CAST: variants seen among roughly 807,000 people sequenced by gnomAD.
CAST encodes the protein calpastatin, also known as MIR583 host.
A neutral mutation model predicts 119.6 loss-of-function variants in CAST; 76 were observed. That is an observed-to-expected ratio of 0.64 (90% CI 0.53 to 0.77). The LOEUF (loss-of-function observed/expected upper bound fraction) is 0.77. CAST is among the 30% of genes least tolerant of loss of function. The pLI is 0.00. For synonymous variants in CAST, 319 were observed against 331.6 expected, an observed-to-expected ratio of 0.96 and a Z score of 0.41; for missense variants, 953 against 946.5, an observed-to-expected ratio of 1.01 and a Z score of -0.09.
the CAST span, among the ~76,000 whole-genome samples, chr5:96,460,379 G>A: frequency 6.6e-6 from 1 of 152,024 alleles, no homozygotes; most frequent in East Asian, 1.9e-4. Flanking sequence ...GGCCTGTCAG[G>A]TGGTTGGAGG....
chr5:96,189,429 T>A, the CAST span, among the ~76,000 whole-genome samples: 1 of 152,234 alleles, frequency 6.6e-6, no homozygotes, highest in Non-Finnish European at 1.5e-5. Context: ...TGCCCTCTTG[T>A]CTTTATTCCT....
the CAST span, among the ~76,000 whole-genome samples, chr5:96,353,942 G>A: frequency 4.6e-5 from 7 of 152,070 alleles, no homozygotes; most frequent in Non-Finnish European, 8.8e-5. Context: ...GGGGAACCTT[G>A]ACTAATACCT....
chr5:96,742,505 T>C, intron 15 of CAST, 150 bp from the exon 16 acceptor site: 1 of 611,184 alleles, frequency 1.6e-6, no homozygotes. Flanking sequence ...TTCTCTCTTT[T>C]GCAAGGTTTC....
the CAST span, among the ~76,000 whole-genome samples, chr5:96,045,226 G>T: frequency 6.6e-6 from 1 of 152,066 alleles, no homozygotes; most frequent in African/African-American, 2.4e-5. Context: ...GGCGGCAGGC[G>T]CCTGTAATAC....
the CAST span, among the ~76,000 whole-genome samples, chr5:96,305,958 C>T: frequency 2.0e-5 from 3 of 152,184 alleles, no homozygotes; most frequent in South Asian, 6.2e-4. Context: ...CAGGATGATA[C>T]TGGCCTCATA....
At chr5:96,276,664 C>T in the CAST span, among the ~76,000 whole-genome samples, 3 of 152,188 alleles carry the variant, frequency 2.0e-5, no homozygotes, top group South Asian at 4.2e-4. Flanking sequence ...AACAGATACT[C>T]GTGTATCCAC....
chr5:96,152,440 T>C, the CAST span, among the ~76,000 whole-genome samples: 3 of 152,126 alleles, frequency 2.0e-5, no homozygotes, highest in African/African-American at 7.2e-5. Context: ...GAATGGAGCA[T>C]CTCTGGGCAG....
the CAST span, among the ~76,000 whole-genome samples, chr5:96,263,796 A>G: frequency 4.9e-4 from 75 of 152,318 alleles, no homozygotes; most frequent in Middle Eastern, 3.4e-3. Context: ...GAAACTTACA[A>G]TCATGGTGGA....
chr5:95,992,654 C>G, the CAST span, among the ~76,000 whole-genome samples: 1 of 152,116 alleles, frequency 6.6e-6, no homozygotes, highest in Non-Finnish European at 1.5e-5. Context: ...TCATGGAAAA[C>G]TGGTGAAATC....
At chr5:96,056,184 T>C in the CAST span, among the ~76,000 whole-genome samples, 3 of 152,184 alleles carry the variant, frequency 2.0e-5, no homozygotes, top group East Asian at 5.8e-4. Context: ...TAAACAAGTA[T>C]CTCTGATAAT....
the CAST span, among the ~76,000 whole-genome samples, chr5:96,361,124 A>G: frequency 6.6e-6 from 1 of 152,088 alleles, no homozygotes; most frequent in Non-Finnish European, 1.5e-5. Context: ...AGCTTTGTTT[A>G]CACTCTTAGG....
chr5:96,057,305 C>T, the CAST span, among the ~76,000 whole-genome samples: 4 of 152,116 alleles, frequency 2.6e-5, no homozygotes, highest in South Asian at 2.1e-4. Context: ...TAGGCAGAGC[C>T]GTCTCTGCTG....
the CAST span, among the ~76,000 whole-genome samples, chr5:96,094,216 T>C: frequency 6.6e-6 from 1 of 152,228 alleles, no homozygotes; most frequent in South Asian, 2.1e-4. Context: ...TTACCTAGAA[T>C]GTTTGTTCTC....
chr5:96,069,655 CTT>C, the CAST span, among the ~76,000 whole-genome samples: 21 of 78,392 alleles, frequency 2.7e-4, no homozygotes, highest in Non-Finnish European at 2.8e-4. Context: ...GGTAATTAAA[CTT>C]TTTTTTTTTT....
chr5:96,359,703 C>T, the CAST span, among the ~76,000 whole-genome samples: 1 of 152,212 alleles, frequency 6.6e-6, no homozygotes, highest in Non-Finnish European at 1.5e-5. Flanking sequence ...GAGAGATTCA[C>T]TGTTAGGCTG....
intron 18 of CAST, 157 bp downstream of exon 18, chr5:96,747,549 C>A: frequency 1.9e-6 from 1 of 526,252 alleles, no homozygotes. Context: ...TGGCTGATAC[C>A]TGTAGCTCCT....
the CAST span, among the ~76,000 whole-genome samples, chr5:96,198,512 TCTC>T: frequency 6.6e-6 from 1 of 152,090 alleles, no homozygotes; most frequent in Admixed American, 6.6e-5. Flanking sequence ...TCCACATGGC[TCTC>T]CTCCTCCTTG....
chr5:96,114,209 T>G, the CAST span, among the ~76,000 whole-genome samples: 9 of 152,134 alleles, frequency 5.9e-5, no homozygotes, highest in African/African-American at 1.9e-4. Flanking sequence ...GCAGGAGAGA[T>G]AGTAGAAGCA....
rs1196789537 is a variant in CAST at position 96,551,673 on chromosome 5, T to C, written c.60+21793T>C. On this transcript the variant is annotated intron_variant, in intron 1 of 11. Coordinates refer to the CAST transcript ENST00000505143. ...ATCTGTGTTCTGTATTCAGGAGACC[T>C]ATCTCGCATGCAAAGACACACACAG... is the stretch of plus-strand genomic sequence containing the variant. 2.6e-5 allele frequency among the ~76,000 whole-genome samples: 4 copies of C among 151,786 alleles called. No homozygotes were observed. The Admixed American group carries it at 2.6e-4, about 10-fold the overall frequency.
Sources: allele counts gnomAD v4.1 joint callset (sites outside exome capture counted in the v4.1 genomes callset), GRCh38; gene constraint gnomAD v4.1.1; transcripts MANE v1.5; gene names NCBI Gene and HGNC (gene_info 2026-07-23, HGNC 2026-07-21).